The following MBOAT1 variants were observed in gnomAD, a reference collection of about 807,000 sequenced individuals.
MBOAT1 encodes membrane bound glycerophospholipid O-acyltransferase 1, also known as membrane-bound glycerophospholipid O-acyltransferase 1.
In MBOAT1, 67 loss-of-function variants were observed where a neutral mutation model predicts 64.4. That is an observed-to-expected ratio of 1.04 (90% confidence interval 0.85 to 1.27). MBOAT1 has a LOEUF of 1.27. Among genes scored for constraint, MBOAT1 ranks in the 50% most tolerant of loss-of-function variants. MBOAT1 has a pLI of 0.00. For missense variants in MBOAT1, 563 were observed against 604.6 expected (o/e 0.93, Z 0.72); for synonymous variants, 229 against 218.9 (o/e 1.05, Z -0.41).
At chr6:20,113,565 T>G (rs1289832700) in intron 10 of MBOAT1, among the ~76,000 whole-genome samples, 1 of 152,210 alleles carries the variant, frequency 6.6e-6, no homozygotes, top group African/African-American at 2.4e-5. Context: ...GTCAGTTATG[T>G]GACCTCTTCA....
chr6:20,160,237 G>A (rs1761811072), intron 1 of MBOAT1, among the ~76,000 whole-genome samples: 1 of 152,208 alleles, frequency 6.6e-6, no homozygotes, highest in African/African-American at 2.4e-5. Context: ...GGGGATTTCT[G>A]TTCCATGGCC....
chr6:20,208,457 G>A (rs57928532), intron 1 of MBOAT1, among the ~76,000 whole-genome samples: 3,691 of 52,552 alleles, frequency 0.07, 60 homozygotes, highest in East Asian at 0.1. Flanking sequence ...AAAAAAAAAA[G>A]AAACTTTGTA....
chr6:20,104,313 A>G (rs1377386329), intron 12 of MBOAT1, among the ~76,000 whole-genome samples: 3 of 152,218 alleles, frequency 2.0e-5, no homozygotes, highest in Non-Finnish European at 4.4e-5. Context: ...CAATGCAACT[A>G]ACACTTTAAC....
Position 20,101,004 on chromosome 6 carries a change from T to C in MBOAT1, c.*1282A>G, listed in dbSNP as rs1446131232. ...ATGATTCAACTAAAACAAAGCTGAA[T>C]TTCTCAGCTATGAAACTGAAAAAAT... On this transcript the variant is annotated 3_prime_UTR_variant, in exon 13 of 13. Transcript: ENST00000324607. Among the ~76,000 whole-genome samples, 1 of 152,208 alleles carries C rather than the reference T, an allele frequency of 6.6e-6. No homozygotes were observed. The highest frequency in any genetic ancestry group is 1.5e-5 in the Non-Finnish European group (1 of 68,026).
intron 1 of MBOAT1, among the ~76,000 whole-genome samples, chr6:20,166,651 A>G (rs549732134): frequency 6.6e-6 from 1 of 152,210 alleles, no homozygotes; most frequent in African/African-American, 2.4e-5. Context: ...ATTCAAGGAT[A>G]AAGTAGGAAA....
chr6:20,127,554 C>T (rs923709694), intron 6 of MBOAT1, among the ~76,000 whole-genome samples: 3 of 152,096 alleles, frequency 2.0e-5, no homozygotes, highest in Non-Finnish European at 2.9e-5. Flanking sequence ...AGATCAGCAG[C>T]GGCATTAGAT....
intron 1 of MBOAT1, among the ~76,000 whole-genome samples, chr6:20,160,431 T>G (rs1019476748): frequency 1.3e-5 from 2 of 152,174 alleles, no homozygotes; most frequent in African/African-American, 4.8e-5. Context: ...TGTCCAGGCC[T>G]GGAATGTCGA....
intron 1 of MBOAT1, among the ~76,000 whole-genome samples, chr6:20,211,387 C>G (rs1164413327): frequency 6.6e-6 from 1 of 152,180 alleles, no homozygotes; most frequent in African/African-American, 2.4e-5. Flanking sequence ...GCAGATCTAG[C>G]CTGCAGCACC....
Position 20,109,554 on chromosome 6 carries a change from TAG to T in MBOAT1, c.1361+42_1361+43del, listed in dbSNP as rs774482499. 3.3e-5 allele frequency: 53 copies of T among 1,590,622 alleles called. No individual in the cohort carries two copies. In the East Asian group the frequency reaches 1.0e-3, roughly 31 times the overall value. Reference sequence around the variant, plus strand: ...CCTCCTAAGTCAAACACAGTGAAAATAGAGTCATTTACGAGATGGCAACTGAG... The same window carrying T: ...CCTCCTAAGTCAAACACAGTGAAAATAGTCATTTACGAGATGGCAACTGAG... On this transcript the variant is annotated intron_variant, in intron 12 of 12. Coordinates refer to ENST00000324607, the MANE Select transcript of MBOAT1 (RefSeq NM_001080480.3).
At chr6:20,131,089 G>T in intron 5 of MBOAT1, 55 bp downstream of exon 5, 1 of 1,445,562 alleles carries the variant, frequency 6.9e-7, no homozygotes, top group Non-Finnish European at 9.7e-7. Context: ...ATAAAAAGAA[G>T]AGCTCTGCAT....
chr6:20,125,381 G>C (rs1039447356), intron 7 of MBOAT1, among the ~76,000 whole-genome samples: 1 of 152,188 alleles, frequency 6.6e-6, no homozygotes, highest in African/African-American at 2.4e-5. Flanking sequence ...TCCCAGTTAA[G>C]TGCTTAGCAC....
chr6:20,192,102 CA>C (rs1436807035), intron 1 of MBOAT1, among the ~76,000 whole-genome samples: 4 of 152,168 alleles, frequency 2.6e-5, no homozygotes, highest in Admixed American at 6.5e-5. Flanking sequence ...CCCAAACTAA[CA>C]ACCTTCCATT....
intron 11 of MBOAT1, among the ~76,000 whole-genome samples, chr6:20,112,124 A>G (rs1412720123): frequency 1.3e-5 from 2 of 151,730 alleles, no homozygotes; most frequent in African/African-American, 2.4e-5. Context: ...CATCAGAAAT[A>G]AGGAAGACCA....
chr6:20,117,852 C>T (rs1760374014), intron 9 of MBOAT1, among the ~76,000 whole-genome samples: 1 of 152,138 alleles, frequency 6.6e-6, no homozygotes, highest in African/African-American at 2.4e-5. Flanking sequence ...GCTAGCAATG[C>T]AAAGAAAATC....
intron 3 of MBOAT1, among the ~76,000 whole-genome samples, chr6:20,147,887 A>G (rs113994624): frequency 0.025 from 3,843 of 152,356 alleles, 69 homozygotes; most frequent in Non-Finnish European, 0.04. Flanking sequence ...AATAAAGTAT[A>G]TTAAAAAGAG....
intron 1 of MBOAT1, among the ~76,000 whole-genome samples, chr6:20,191,417 T>C (rs1476030902): frequency 6.6e-6 from 1 of 152,228 alleles, no homozygotes; most frequent in Admixed American, 6.5e-5. Context: ...CTTTCTCTAG[T>C]TTAACATCCC....
At chr6:20,164,251 G>A (rs546492328) in intron 1 of MBOAT1, among the ~76,000 whole-genome samples, 1 of 151,594 alleles carries the variant, frequency 6.6e-6, no homozygotes, top group East Asian at 1.9e-4. Context: ...CTGTGGCTCA[G>A]GTCCACCCAG....
At chr6:20,175,571 C>T (rs1403763646) in intron 1 of MBOAT1, among the ~76,000 whole-genome samples, 1 of 152,012 alleles carries the variant, frequency 6.6e-6, no homozygotes, top group South Asian at 2.1e-4. Flanking sequence ...CTCAGCCTCC[C>T]GAGTAGCTGG....
chr6:20,175,757 C>A (rs138932889), intron 1 of MBOAT1, among the ~76,000 whole-genome samples: 1 of 151,548 alleles, frequency 6.6e-6, no homozygotes, highest in Non-Finnish European at 1.5e-5. Context: ...CAGGCATGAG[C>A]CACTGCACCT....
Sources: gnomAD v4.1 joint callset for allele counts (sites outside exome capture counted in the v4.1 genomes callset) on GRCh38, gnomAD v4.1.1 for gene constraint, MANE v1.5 for transcripts, NCBI Gene and HGNC (gene_info 2026-07-23, HGNC 2026-07-21) for gene names.